Variants in ACYP1 observed in about 807,000 individuals in gnomAD.
The protein encoded by ACYP1 is acylphosphatase 1.
In ACYP1, 8 loss-of-function variants were observed where a neutral mutation model predicts 10.4. That is an observed-to-expected ratio of 0.77 (90% CI 0.45 to 1.38). The LOEUF (loss-of-function observed/expected upper bound fraction) is 1.38. Among genes scored for constraint, ACYP1 ranks in the 40% most tolerant of loss-of-function variants. ACYP1 has a pLI of 0.00. For missense variants in ACYP1, 93 were observed against 117.3 expected (o/e 0.79, Z 0.96); for synonymous variants, 38 against 40.8 (o/e 0.93, Z 0.26).
rs749412276 is a variant in ACYP1 at position 75,069,194 on chromosome 14, G to A, written c.82+16C>T. On this transcript the variant is annotated intron_variant, in intron 1 of 2. Transcript: ENST00000555463. ...CTTGGCGAGGACAAGCAAGGAGCGC[G>A]CGCGTGCAGCCATACCTGGGGCCCG... The A allele has an allele frequency of 2.6e-6, 4 of 1,516,342 alleles. No homozygotes were observed. In the South Asian group the frequency reaches 3.6e-5, roughly 14 times the overall value. 93.9% of individuals were successfully genotyped at this position (1,516,342 alleles called of 1,614,324 possible).
upstream of ACYP1, among the ~76,000 whole-genome samples, chr14:75,067,135 A>C (rs569573993): frequency 2.0e-5 from 3 of 151,938 alleles, no homozygotes; most frequent in Non-Finnish European, 4.4e-5. Flanking sequence ...TGAAACCTGA[A>C]ATTTCAGCAT....
chr14:75,063,583 G>A (rs1210888748), intron 1 of ACYP1, 22 bp from the exon 2 acceptor site: 3 of 1,592,902 alleles, frequency 1.9e-6, no homozygotes, highest in East Asian at 2.2e-5. Context: ...CAGGAAAGCA[G>A]AAGAGTGAAG....
chr14:75,063,876 C>T (rs757358038), intron 1 of ACYP1, 78 bp downstream of exon 1: 2 of 982,900 alleles, frequency 2.0e-6, no homozygotes, highest in Non-Finnish European at 2.5e-6. Context: ...CTGCTACTAA[C>T]TCCCAGAATC....
At chr14:75,066,244 G>A (rs553611601), upstream of ACYP1, among the ~76,000 whole-genome samples, 3 of 152,302 alleles carry the variant, frequency 2.0e-5, no homozygotes, top group Non-Finnish European at 2.9e-5. Flanking sequence ...AAGCTACTGG[G>A]GAGGGAAATG....
upstream of ACYP1, among the ~76,000 whole-genome samples, chr14:75,067,182 TACACACACACACACACACAC>T (rs60274425): frequency 2.6e-4 from 39 of 147,360 alleles, no homozygotes; most frequent in African/African-American, 8.4e-4. Flanking sequence ...TGTCTGGAAC[TACACACACACACACACACAC>T]ACACACACAC....
exon 1 of ACYP1, chr14:75,069,235 C>A (rs991356691): frequency 1.1e-5 from 17 of 1,502,252 alleles, no homozygotes; most frequent in Non-Finnish European, 1.2e-5. Flanking sequence ...CGCAGCCGAG[C>A]GCGCGGAGAA....
upstream of ACYP1, among the ~76,000 whole-genome samples, chr14:75,067,815 G>C (rs937618593): frequency 6.6e-6 from 1 of 151,774 alleles, no homozygotes; most frequent in Admixed American, 6.6e-5. Flanking sequence ...GTAACAAAGG[G>C]AGACCCTGTC....
chr14:75,053,489 T>G lies in ACYP1; in HGVS notation c.255A>C (p.Lys85Asn), dbSNP rs1244428393. The change falls in exon 3 of 3, where the codon AAA becomes AAC. Residue 85 changes from lysine to asparagine, a missense_variant. Physicochemically the swap from Lys to Asn is moderately conservative, Grantham distance 94. Coordinates refer to ENST00000238618, the MANE Select transcript of ACYP1 (RefSeq NM_001107.5). ...HIDKANFNNE[K>N]VILKLDYSDF... Reference sequence around the variant, plus strand: ...CTGAGTAATCCAACTTCAAGATGACTTTTTCATTGTTGAAGTTTGCTTTGT... The same window carrying G: ...CTGAGTAATCCAACTTCAAGATGACGTTTTCATTGTTGAAGTTTGCTTTGT... 1 of 1,614,118 alleles carries G rather than the reference T, an allele frequency of 6.2e-7. No individual in the cohort carries two copies. The highest frequency in any genetic ancestry group is 2.2e-5 in the East Asian group (1 of 44,900).
intron 2 of ACYP1, among the ~76,000 whole-genome samples, chr14:75,057,496 C>T (rs1274293606): frequency 6.6e-6 from 1 of 151,332 alleles, no homozygotes; most frequent in Non-Finnish European, 1.5e-5. Context: ...AAAATTGATA[C>T]TAAAATTTAC....
chr14:75,069,137 G>T, intron 1 of ACYP1: 1 of 1,392,102 alleles, frequency 7.2e-7, no homozygotes, highest in Non-Finnish European at 9.6e-7. Flanking sequence ...AAGATACTGC[G>T]TAGCAAAAAC....
intron 2 of ACYP1, among the ~76,000 whole-genome samples, chr14:75,059,349 A>G (rs906129808): frequency 1.3e-5 from 2 of 152,136 alleles, no homozygotes; most frequent in African/African-American, 4.8e-5. Flanking sequence ...AACAAAAACA[A>G]AACAAACAAA....
In ACYP1 at chr14:75,063,773, C is replaced by T. The variant is rs560189269; in HGVS notation, c.-9+181G>A. Among the ~76,000 whole-genome samples the T allele has an allele frequency of 6.6e-4, 101 of 152,248 alleles. 1 individual carries two copies. Among genetic ancestry groups the T allele is most frequent in the African/African-American group, 2.2e-3 (92 of 41,546 alleles). On this transcript the variant is annotated intron_variant, in intron 1 of 2. Transcript: ENST00000238618. ...CGGGAGAGGGAGCTTCGGATCGCAG[C>T]TGCCCGCTGAAGCCTCTTCTGGGGA...
intron 2 of ACYP1, among the ~76,000 whole-genome samples, chr14:75,060,447 T>A (rs1892988248): frequency 1.3e-5 from 2 of 152,198 alleles, no homozygotes; most frequent in Non-Finnish European, 2.9e-5. Context: ...AAGCTAAACA[T>A]AAAGTTACCA....
At chr14:75,069,072 G>T in intron 1 of ACYP1, 1 of 873,706 alleles carries the variant, frequency 1.1e-6, no homozygotes. Context: ...ATTACCACGT[G>T]AGTAAAACAT....
chr14:75,060,674 T>C (rs1443915264), intron 2 of ACYP1, among the ~76,000 whole-genome samples: 1 of 152,170 alleles, frequency 6.6e-6, no homozygotes, highest in Admixed American at 6.5e-5. Context: ...AGGATACTAA[T>C]ACATGCTACA....
In ACYP1 at chr14:75,053,608, C is replaced by T. The variant is rs775396069; in HGVS notation, c.136G>A (p.Gly46Ser). The change falls in exon 3 of 3, where the codon GGC (glycine) becomes AGC (serine). Residue 46 changes from glycine to serine, a missense_variant. By Grantham distance (56) the Gly-to-Ser change is moderately conservative. Transcript: ENST00000238618. ...LVGWVQNTDR[G>S]TVQGQLQGPI... ...CCTTGCAATTGTCCTTGCACTGTGC[C>T]CCGGTCAGTGTTCTGGACCCAGCCT... 17 of 1,614,074 alleles carry T rather than the reference C, an allele frequency of 1.1e-5. No individual in the cohort carries two copies. The highest frequency in any genetic ancestry group is 1.7e-5 in the Admixed American group (1 of 60,006).
chr14:75,053,807 G>A, intron 2 of ACYP1, 148 bp from the exon 3 acceptor site: 3 of 687,504 alleles, frequency 4.4e-6, no homozygotes, highest in Non-Finnish European at 7.3e-6. Context: ...ACAGCAAGAA[G>A]GATCTCATTG....
At chr14:75,063,628 A>G in intron 1 of ACYP1, 67 bp from the exon 2 acceptor site, 1 of 1,299,614 alleles carries the variant, frequency 7.7e-7, no homozygotes, top group Non-Finnish European at 1.1e-6. Context: ...CCTGAGTCAG[A>G]AAGGGCCACA....
At chr14:75,065,404 G>A (rs1032441349), upstream of ACYP1, among the ~76,000 whole-genome samples, 2 of 152,230 alleles carry the variant, frequency 1.3e-5, no homozygotes, top group African/African-American at 2.4e-5. Context: ...CCTTAGTGCT[G>A]AGAGGTGGGG....
Sources: gnomAD v4.1 joint callset for allele counts (sites outside exome capture counted in the v4.1 genomes callset) on GRCh38, gnomAD v4.1.1 for gene constraint, MANE v1.5 for transcripts, NCBI Gene and HGNC (gene_info 2026-07-23, HGNC 2026-07-21) for gene names.